The following MACROD2 variants were observed in gnomAD, a reference collection of about 807,000 sequenced individuals.
MACROD2 encodes mono-ADP ribosylhydrolase 2.
MACROD2 carries 36 observed loss-of-function variants against 70.4 expected under a neutral mutation model. The observed-to-expected ratio is 0.51, with a 90% CI of 0.39 to 0.68. The LOEUF (loss-of-function observed/expected upper bound fraction) is 0.68, where lower values mean the gene tolerates loss of function less well. MACROD2 is among the 30% of genes least tolerant of loss of function. The pLI is 0.00. For missense variants in MACROD2, 496 were observed against 538.4 expected (o/e 0.92, Z 0.78); for synonymous variants, 172 against 178.8 (o/e 0.96, Z 0.30).
In MACROD2 at chr20:15,678,509, G is replaced by A. The variant is rs111620343; in HGVS notation, c.645+178662G>A. Among the ~76,000 whole-genome samples, 34 of 152,084 alleles carry A rather than the reference G, an allele frequency of 2.2e-4. 2 individuals carry two copies. Among genetic ancestry groups the A allele is most frequent in the South Asian group, 1.0e-3 (5 of 4,812 alleles). On this transcript the variant is annotated intron_variant, in intron 8 of 17. Coordinates refer to ENST00000684519, the MANE Select transcript of MACROD2 (RefSeq NM_001351661.2). ...CGAGTAGCTGGGACTACAGGCGCCC[G>A]CCACCATGCCTGGCTAATTTTTTGT...
chr20:15,316,788 G>A (rs1018525689), intron 6 of MACROD2, among the ~76,000 whole-genome samples: 4 of 151,922 alleles, frequency 2.6e-5, no homozygotes, highest in Non-Finnish European at 5.9e-5. Context: ...AGACCATACG[G>A]TAGGCCACAA....
chr20:15,864,785 C>T (rs1268287775), intron 9 of MACROD2, among the ~76,000 whole-genome samples: 2 of 152,046 alleles, frequency 1.3e-5, no homozygotes, highest in African/African-American at 2.4e-5. Context: ...TTGAAGCACA[C>T]AGTGCTCATG....
chr20:15,995,648 C>A (rs1244583579), intron 15 of MACROD2, among the ~76,000 whole-genome samples: 7 of 26,964 alleles, frequency 2.6e-4, no homozygotes, highest in Admixed American at 8.9e-4. Flanking sequence ...CTATGCCCGG[C>A]CTTTTTTTTT....
intron 4 of MACROD2, among the ~76,000 whole-genome samples, chr20:14,601,210 G>A (rs1476147858): frequency 1.3e-5 from 2 of 152,158 alleles, no homozygotes; most frequent in African/African-American, 4.8e-5. Flanking sequence ...ACCCGGGACC[G>A]GTTTTGTGGA....
intron 10 of MACROD2, among the ~76,000 whole-genome samples, chr20:15,904,979 C>CA: frequency 6.6e-6 from 1 of 152,066 alleles, no homozygotes; most frequent in East Asian, 1.9e-4. Flanking sequence ...GGAAAGACCC[C>CA]TGAACTAGGA....
chr20:15,144,055 G>A (rs2076212612), intron 5 of MACROD2, among the ~76,000 whole-genome samples: 1 of 151,234 alleles, frequency 6.6e-6, no homozygotes. Context: ...TGGGTCGTGG[G>A]CCGCGGGTTG....
At chr20:15,403,287 C>T (rs754708916) in intron 6 of MACROD2, among the ~76,000 whole-genome samples, 16 of 151,988 alleles carry the variant, frequency 1.1e-4, no homozygotes, top group East Asian at 3.9e-4. Context: ...TTTTAATACT[C>T]GTACATAAAT....
intron 5 of MACROD2, among the ~76,000 whole-genome samples, chr20:14,972,832 T>G (rs959819533): frequency 3.9e-5 from 6 of 152,138 alleles, no homozygotes; most frequent in African/African-American, 7.2e-5. Context: ...CACAGCTGAT[T>G]AGGGAAGACA....
intron 8 of MACROD2, among the ~76,000 whole-genome samples, chr20:15,634,781 G>A (rs2049340214): frequency 6.6e-6 from 1 of 152,206 alleles, no homozygotes; most frequent in Non-Finnish European, 1.5e-5. Flanking sequence ...AGGGGCTTGA[G>A]GGTTAAAAAT....
intron 6 of MACROD2, among the ~76,000 whole-genome samples, chr20:15,423,413 C>CA (rs1311270569): frequency 1.3e-5 from 2 of 152,228 alleles, no homozygotes; most frequent in Non-Finnish European, 2.9e-5. Flanking sequence ...AGTCTATCAT[C>CA]AGCGGGATGA....
chr20:14,247,334 A>G (rs1432313266), intron 3 of MACROD2, among the ~76,000 whole-genome samples: 1 of 152,160 alleles, frequency 6.6e-6, no homozygotes, highest in Admixed American at 6.5e-5. Context: ...TGCCAGCGCT[A>G]ACAAAACATG....
chr20:14,953,253 A>G (rs2074489731), intron 5 of MACROD2, among the ~76,000 whole-genome samples: 1 of 152,124 alleles, frequency 6.6e-6, no homozygotes, highest in Non-Finnish European at 1.5e-5. Context: ...CCTGTCTCCC[A>G]TAAAGTTGTG....
intron 8 of MACROD2, among the ~76,000 whole-genome samples, chr20:15,818,309 A>T (rs182552550): frequency 1.6e-3 from 250 of 152,296 alleles, no homozygotes; most frequent in African/African-American, 5.7e-3. Flanking sequence ...TTGTATGCTA[A>T]ACAAATTGTG....
intron 10 of MACROD2, among the ~76,000 whole-genome samples, chr20:15,924,379 A>C (rs2065457319): frequency 6.6e-6 from 1 of 152,200 alleles, no homozygotes; most frequent in Non-Finnish European, 1.5e-5. Context: ...ACACATCTAC[A>C]TCTTCAATCG....
chr20:15,958,738 G>T (rs1300818913), intron 12 of MACROD2, among the ~76,000 whole-genome samples: 1 of 152,176 alleles, frequency 6.6e-6, no homozygotes, highest in African/African-American at 2.4e-5. Flanking sequence ...GATGGTATTT[G>T]GGGATAGGAC....
At chr20:15,451,413 T>TAAAG (rs1309177908) in intron 7 of MACROD2, among the ~76,000 whole-genome samples, 1 of 42,902 alleles carries the variant, frequency 2.3e-5, no homozygotes, top group Non-Finnish European at 6.1e-5. Context: ...TGAAGGGTGG[T>TAAAG]AAATAAAAAA....
chr20:15,024,944 G>A (rs1430145502), intron 5 of MACROD2, among the ~76,000 whole-genome samples: 2 of 152,080 alleles, frequency 1.3e-5, no homozygotes, highest in Non-Finnish European at 1.5e-5. Context: ...TTCCCCCCAC[G>A]AGGATGGGAT....
intron 5 of MACROD2, among the ~76,000 whole-genome samples, chr20:15,093,793 G>C (rs2075809274): frequency 2.6e-5 from 4 of 152,140 alleles, no homozygotes; most frequent in African/African-American, 9.7e-5. Flanking sequence ...TTTTGTGTGG[G>C]TAGAGGGAGC....
intron 5 of MACROD2, among the ~76,000 whole-genome samples, chr20:15,089,772 T>C (rs944365854): frequency 3.1e-4 from 47 of 152,028 alleles, no homozygotes; most frequent in African/African-American, 1.1e-3. Context: ...TGATTTCTTA[T>C]TTTTTTCAAG....
Sources: gnomAD v4.1 joint callset for allele counts (sites outside exome capture counted in the v4.1 genomes callset) on GRCh38, gnomAD v4.1.1 for gene constraint, MANE v1.5 for transcripts, NCBI Gene and HGNC (gene_info 2026-07-23, HGNC 2026-07-21) for gene names.